Variants in CHRM3 observed in about 807,000 individuals in gnomAD.
The protein encoded by CHRM3 is muscarinic acetylcholine receptor M3.
CHRM3 carries 11 observed loss-of-function variants against 41.8 expected under a neutral mutation model. The observed-to-expected ratio is 0.26, with a 90% CI of 0.17 to 0.44. The LOEUF is 0.44. Among genes scored for constraint, CHRM3 ranks in the 20% least tolerant of loss-of-function variants. The pLI is 1.00. For synonymous variants in CHRM3, 297 were observed against 301.4 expected (o/e 0.99, Z 0.15); for missense variants, 571 against 745.4 (o/e 0.77, Z 2.72).
chr1:239,471,133 TTC>T (rs924815073), intron 1 of CHRM3, among the ~76,000 whole-genome samples: 59 of 151,820 alleles, frequency 3.9e-4, no homozygotes, highest in African/African-American at 1.4e-3. Flanking sequence ...TGTTCATAAA[TTC>T]TCTGTGTTAA....
intron 6 of CHRM3, chr1:239,886,187 T>C (rs901184974): frequency 1.3e-5 from 2 of 152,156 alleles, no homozygotes; most frequent in African/African-American, 4.8e-5. Context: ...TCGAACCTCA[T>C]TTTCTCTCGT....
At chr1:239,546,272 A>G (rs1237439741) in intron 3 of CHRM3, 1 of 152,168 alleles carries the variant, frequency 6.6e-6, no homozygotes, top group Non-Finnish European at 1.5e-5. Context: ...TCCAGCATTT[A>G]TCCTCATACT....
At chr1:239,814,932 T>C (rs1671452474) in intron 5 of CHRM3, among the ~76,000 whole-genome samples, 1 of 152,124 alleles carries the variant, frequency 6.6e-6, no homozygotes, top group African/African-American at 2.4e-5. Context: ...CACGCCACCA[T>C]GCCTGGCTAA....
At chr1:239,727,612 G>A (rs1292593293) in intron 5 of CHRM3, 2 of 151,686 alleles carry the variant, frequency 1.3e-5, no homozygotes, top group Non-Finnish European at 2.9e-5. Flanking sequence ...CATGAGAGAA[G>A]CATTACAGAA....
At chr1:239,402,142 T>C (rs1207833257) in intron 1 of CHRM3, among the ~76,000 whole-genome samples, 1 of 152,182 alleles carries the variant, frequency 6.6e-6, no homozygotes, top group Admixed American at 6.5e-5. Flanking sequence ...ACCTCTAATG[T>C]ATGATTTGGA....
At chr1:239,738,019 A>G (rs1558499652) in intron 5 of CHRM3, among the ~76,000 whole-genome samples, 1 of 152,204 alleles carries the variant, frequency 6.6e-6, no homozygotes, top group Non-Finnish European at 1.5e-5. Context: ...AACAACAACA[A>G]AAAACTGAAA....
At chr1:239,612,221 A>G (rs1667153271) in intron 3 of CHRM3, among the ~76,000 whole-genome samples, 1 of 152,220 alleles carries the variant, frequency 6.6e-6, no homozygotes, top group African/African-American at 2.4e-5. Flanking sequence ...AGAGTCTTAC[A>G]TGACATGTGC....
intron 1 of CHRM3, among the ~76,000 whole-genome samples, chr1:239,462,423 T>C (rs1665425546): frequency 6.6e-6 from 1 of 152,206 alleles, no homozygotes; most frequent in Non-Finnish European, 1.5e-5. Context: ...AAAAAAAATT[T>C]TTCATATTGT....
chr1:239,643,895 C>T (rs1671485630), intron 4 of CHRM3, among the ~76,000 whole-genome samples: 1 of 152,194 alleles, frequency 6.6e-6, no homozygotes, highest in Admixed American at 6.5e-5. Context: ...GGAGCTGTTC[C>T]TATTCGGCCA....
At chr1:239,835,067 G>C (rs1280845691) in intron 6 of CHRM3, among the ~76,000 whole-genome samples, 2 of 152,190 alleles carry the variant, frequency 1.3e-5, no homozygotes, top group African/African-American at 4.8e-5. Flanking sequence ...TTCAGGTAAT[G>C]GGGCTGTAAG....
At chr1:239,829,109 T>C (rs1672699975) in intron 6 of CHRM3, among the ~76,000 whole-genome samples, 1 of 152,210 alleles carries the variant, frequency 6.6e-6, no homozygotes, top group African/African-American at 2.4e-5. Context: ...TTTCTTTCCA[T>C]CTCTGTGATT....
rs140376803 is a variant in CHRM3, at chr1:239,419,729, C to T, written c.-521+32502C>T. On this transcript the variant is annotated intron_variant, in intron 1 of 6. Coordinates refer to ENST00000676153, the MANE Select transcript of CHRM3 (RefSeq NM_001375978.1). Reference sequence around the variant, plus strand: ...ACAAGTACCTGTCAGGACATGAATGCGAAACAATGTATCATACATAAAGAT... The same window carrying T: ...ACAAGTACCTGTCAGGACATGAATGTGAAACAATGTATCATACATAAAGAT... Among the ~76,000 whole-genome samples, 39 of 152,202 alleles carry T rather than the reference C, an allele frequency of 2.6e-4. 1 individual carries two copies. Among genetic ancestry groups the T allele is most frequent in the African/African-American group, 7.0e-4 (29 of 41,534 alleles).
chr1:239,497,178 G>T (rs191150806), intron 2 of CHRM3, among the ~76,000 whole-genome samples: 1 of 152,022 alleles, frequency 6.6e-6, no homozygotes, highest in Non-Finnish European at 1.5e-5. Context: ...TTTGGGTTAG[G>T]CACCCCACAT....
intron 1 of CHRM3, among the ~76,000 whole-genome samples, chr1:239,431,363 A>G (rs1234375165): frequency 1.3e-5 from 2 of 152,232 alleles, no homozygotes; most frequent in Non-Finnish European, 2.9e-5. Flanking sequence ...TTTAAAGGCT[A>G]TAAAATAGCA....
chr1:239,899,540 G>A (rs1679330633), intron 6 of CHRM3, among the ~76,000 whole-genome samples: 1 of 149,222 alleles, frequency 6.7e-6, no homozygotes, highest in Non-Finnish European at 1.5e-5. Flanking sequence ...CAGCCAATTA[G>A]CGGACCAATT....
chr1:239,627,048 G>C (rs1481136830), intron 3 of CHRM3, among the ~76,000 whole-genome samples: 1 of 136,504 alleles, frequency 7.3e-6, no homozygotes, highest in East Asian at 2.1e-4. Context: ...TTCAATTCCT[G>C]CGTATCCTTG....
chr1:239,804,640 C>T (rs1325574828), intron 5 of CHRM3, among the ~76,000 whole-genome samples: 1 of 152,152 alleles, frequency 6.6e-6, no homozygotes, highest in Non-Finnish European at 1.5e-5. Context: ...TAGAATCTTT[C>T]CTGTGCAGTC....
At chr1:239,662,068 T>A (rs1407460186) in intron 4 of CHRM3, among the ~76,000 whole-genome samples, 1 of 151,446 alleles carries the variant, frequency 6.6e-6, no homozygotes, top group Non-Finnish European at 1.5e-5. Flanking sequence ...ATTGTGAGGA[T>A]AAAAACTGTT....
intron 6 of CHRM3, among the ~76,000 whole-genome samples, chr1:239,829,540 C>T (rs897305560): frequency 1.2e-4 from 19 of 152,096 alleles, no homozygotes; most frequent in African/African-American, 3.4e-4. Flanking sequence ...ACTTTCTATA[C>T]CAAAAAAGCA....
Sources: gnomAD v4.1 joint callset for allele counts (sites outside exome capture counted in the v4.1 genomes callset) on GRCh38, gnomAD v4.1.1 for gene constraint, MANE v1.5 for transcripts, NCBI Gene and HGNC (gene_info 2026-07-23, HGNC 2026-07-21) for gene names.